The following ABR variants were observed in gnomAD, a reference collection of about 807,000 sequenced individuals.
ABR encodes active breakpoint cluster region-related protein.
ABR carries 35 observed loss-of-function variants against 107.2 expected under a neutral mutation model. That is an observed-to-expected ratio of 0.33 (90% CI 0.25 to 0.43). The LOEUF (loss-of-function observed/expected upper bound fraction) is 0.43. Among genes scored for constraint, ABR ranks in the 20% least tolerant of loss-of-function variants. ABR has a pLI of 1.00. For synonymous variants in ABR, 498 were observed against 462.0 expected, an observed-to-expected ratio of 1.08 and a Z score of -1.00; for missense variants, 815 against 1,115.2, an observed-to-expected ratio of 0.73 and a Z score of 3.83.
At chr17:1,108,996 C>G (rs772209158) in intron 2 of ABR, 5 of 1,599,030 alleles carry the variant, frequency 3.1e-6, no homozygotes, top group South Asian at 1.1e-5. Context: ...AGCTCGCACT[C>G]CTCCAGGAGA....
chr17:1,058,587 G>A (rs988528183), intron 11 of ABR, among the ~76,000 whole-genome samples, 158 bp downstream of exon 11: 3 of 152,196 alleles, frequency 2.0e-5, no homozygotes, highest in African/African-American at 4.8e-5. Flanking sequence ...CATTCCACAC[G>A]AGAGGGGAGA....
upstream of ABR, among the ~76,000 whole-genome samples, chr17:1,190,248 C>T (rs574783369): frequency 1.3e-5 from 2 of 152,326 alleles, no homozygotes; most frequent in East Asian, 3.9e-4. Context: ...ATGGAAACGG[C>T]ATAGAAACCC....
intron 1 of ABR, among the ~76,000 whole-genome samples, chr17:1,206,073 G>A (rs1224594700): frequency 2.6e-5 from 4 of 152,108 alleles, no homozygotes; most frequent in South Asian, 2.1e-4. Context: ...CTGAGATCGC[G>A]CCACTGCCCT....
chr17:1,190,008 T>A (rs964366582), upstream of ABR, among the ~76,000 whole-genome samples: 1 of 152,230 alleles, frequency 6.6e-6, no homozygotes, highest in Admixed American at 6.5e-5. Context: ...GGAAAAGAAC[T>A]GTTTGGCTGG....
At chr17:1,090,616 G>A (rs921525509) in intron 4 of ABR, among the ~76,000 whole-genome samples, 1 of 152,208 alleles carries the variant, frequency 6.6e-6, no homozygotes, top group African/African-American at 2.4e-5. Flanking sequence ...GCCGGAGGCA[G>A]GGAGCTCAGC....
chr17:1,152,205 G>GC (rs2040824437), intron 1 of ABR, among the ~76,000 whole-genome samples: 2 of 151,736 alleles, frequency 1.3e-5, no homozygotes, highest in South Asian at 4.2e-4. Flanking sequence ...CAGGAGAATG[G>GC]CGTGAACCTA....
chr17:1,192,977 G>A (rs2042469212), intron 1 of ABR, among the ~76,000 whole-genome samples: 1 of 152,240 alleles, frequency 6.6e-6, no homozygotes, highest in African/African-American at 2.4e-5. Flanking sequence ...GAACCCAGGA[G>A]GCGGAGGCTG....
intron 16 of ABR, among the ~76,000 whole-genome samples, chr17:1,029,995 C>T (rs990607232): frequency 3.3e-5 from 5 of 152,274 alleles, no homozygotes; most frequent in South Asian, 2.1e-4. Context: ...TGGAATCGCT[C>T]GTCACACAGA....
rs2070471751 is a variant in ABR at position 1,010,831 on chromosome 17, T to C, written c.2134A>G (p.Met712Val). The change falls in exon 20 of 23, where the codon ATG becomes GTG. Residue 712 changes from methionine (M) to valine (V), a missense_variant. By Grantham distance (21) the Met-to-Val change is conservative. This residue lies in a region of ABR where 175 missense variants were observed against 284.3 expected (regional missense o/e 0.62). Coordinates refer to ENST00000302538, the MANE Select transcript of ABR (RefSeq NM_021962.5). This position sits in a 1 kb window ranked among gnomAD's most constrained non-coding sequence, Gnocchi z 4.1. ...GTCCCGGCGATGGCGTTGATGTCCA[T>C]GTCACTCAGCATCAGCAGGATGTCC... Reference protein sequence around the residue: ...NKDILLMLSDMDINAIAGTLK... With the variant: ...NKDILLMLSDVDINAIAGTLK... 3.7e-6 allele frequency: 6 copies of C among 1,613,732 alleles called. No individual in the cohort carries two copies. The highest frequency in any genetic ancestry group is 1.3e-5 in the African/African-American group (1 of 74,900).
chr17:1,180,657 C>T (rs950654652), upstream of ABR, among the ~76,000 whole-genome samples: 1 of 152,298 alleles, frequency 6.6e-6, no homozygotes, highest in Middle Eastern at 3.4e-3. Context: ...CTGGGGACCC[C>T]GAGCCGCGGC....
rs1348652629 is a variant in ABR at position 1,071,661 on chromosome 17, TG to T, written c.894+952del. ...TGTGGGCTCCCCGCAAGCCACTGCG[TG>T]TGCAGGCCGAGCTGAAGCAGCTCCA... On this transcript the variant is annotated intron_variant, in intron 8 of 22. Coordinates refer to ENST00000302538, the MANE Select transcript of ABR (RefSeq NM_021962.5). This position sits in a 1 kb window ranked among gnomAD's most constrained non-coding sequence, Gnocchi z 5.1. 6.6e-6 allele frequency among the ~76,000 whole-genome samples: 1 copy of T among 152,208 alleles called. No individual in the cohort carries two copies. Among genetic ancestry groups the T allele is most frequent in the Non-Finnish European group, 1.5e-5 (1 of 68,028 alleles).
intron 2 of ABR, among the ~76,000 whole-genome samples, chr17:1,114,285 CGT>C (rs2038879191): frequency 6.6e-6 from 1 of 150,684 alleles, no homozygotes; most frequent in Non-Finnish European, 1.5e-5. Context: ...GCCTGGTCTA[CGT>C]GGTAAAACCC....
intron 21 of ABR, among the ~76,000 whole-genome samples, chr17:1,007,617 A>G (rs2663341): frequency 0.52 from 78,516 of 152,078 alleles, 20,556 homozygotes; most frequent in African/African-American, 0.55. Flanking sequence ...GAGAGCAGAT[A>G]CTGTTCTGAA....
intron 2 of ABR, among the ~76,000 whole-genome samples, chr17:1,105,350 CG>C (rs1567765250): frequency 6.6e-6 from 1 of 151,882 alleles, no homozygotes; most frequent in East Asian, 1.9e-4. Context: ...TATTTGAAAT[CG>C]TAAGAAAAAT....
At chr17:1,181,046 C>A (rs1275658471), upstream of ABR, among the ~76,000 whole-genome samples, 2 of 152,170 alleles carry the variant, frequency 1.3e-5, no homozygotes, top group African/African-American at 2.4e-5. Context: ...CTCCACCCCA[C>A]CCCATCCCCA....
intron 1 of ABR, among the ~76,000 whole-genome samples, chr17:1,196,833 T>G (rs976368479): frequency 3.3e-5 from 5 of 151,972 alleles, no homozygotes; most frequent in African/African-American, 1.2e-4. Flanking sequence ...TAGCTGGGAC[T>G]ACAGGCGCCC....
intron 6 of ABR, among the ~76,000 whole-genome samples, chr17:1,076,480 G>A (rs943312608): frequency 1.3e-5 from 2 of 152,070 alleles, no homozygotes; most frequent in Non-Finnish European, 2.9e-5. Flanking sequence ...GCAGACACCT[G>A]CCAGGGTGGG....
intron 2 of ABR, among the ~76,000 whole-genome samples, chr17:1,113,985 G>A (rs1452588623): frequency 6.6e-5 from 10 of 151,144 alleles, no homozygotes; most frequent in Admixed American, 6.6e-5. Context: ...TGGGCAACAT[G>A]GCAAGACCTC....
Position 1,036,439 on chromosome 17 carries a change from C to T in ABR, c.1791+13611G>A, listed in dbSNP as rs1364165899. Among the ~76,000 whole-genome samples the T allele has an allele frequency of 2.6e-5, 4 of 152,126 alleles. No homozygotes were observed. The East Asian group carries it at 5.8e-4, about 22-fold the overall frequency. On this transcript the variant is annotated intron_variant, in intron 16 of 22. Coordinates refer to ENST00000302538, the MANE Select transcript of ABR (RefSeq NM_021962.5). The stretch of plus-strand genomic sequence containing the variant: ...GGGCACCGGCTGGGCATCAGAGGAC[C>T]AGAGCTGGGGGACAAGAAGGTGCTG...
Sources: gnomAD v4.1 joint callset for allele counts (sites outside exome capture counted in the v4.1 genomes callset) on GRCh38, gnomAD v4.1.1 for gene constraint, gnomAD v4.1.1 regional missense constraint, Gnocchi (gnomAD v3.1) non-coding constraint, MANE v1.5 for transcripts, NCBI Gene and HGNC (gene_info 2026-07-23, HGNC 2026-07-21) for gene names.